DLC1: variants seen among roughly 807,000 people sequenced by gnomAD.
DLC1 encodes the protein rho GTPase-activating protein 7.
A neutral mutation model predicts 140.3 loss-of-function variants in DLC1; 54 were observed. That is an observed-to-expected ratio of 0.38 (90% confidence interval 0.31 to 0.48). DLC1 has a LOEUF of 0.48. Ranked by LOEUF, DLC1 falls within the 20% of genes least tolerant of loss-of-function variation. The pLI is 0.96. For missense variants in DLC1, 2,536 were observed against 1,907.0 expected (o/e 1.33, Z -6.14); for synonymous variants, 986 against 728.1 (o/e 1.35, Z -5.70).
At chr8:13,535,499 T>G (rs1803246504) in intron 1 of DLC1, among the ~76,000 whole-genome samples, 1 of 151,896 alleles carries the variant, frequency 6.6e-6, no homozygotes, top group South Asian at 2.1e-4. Flanking sequence ...CAGAAAATGT[T>G]GACAAGGGCA....
chr8:13,524,279 A>G (rs1297808652), intron 1 of DLC1, among the ~76,000 whole-genome samples: 1 of 151,768 alleles, frequency 6.6e-6, no homozygotes, highest in African/African-American at 2.4e-5. Flanking sequence ...CTGGGATTAC[A>G]GGTACCCACC....
intron 4 of DLC1, among the ~76,000 whole-genome samples, chr8:13,371,667 T>G (rs1034632157): frequency 2.6e-5 from 4 of 152,076 alleles, no homozygotes; most frequent in African/African-American, 9.7e-5. Context: ...CCAATAAATA[T>G]TTTTTGAGCA....
At chr8:13,594,758 C>G (rs1416352189) in intron 1 of DLC1, among the ~76,000 whole-genome samples, 1 of 150,368 alleles carries the variant, frequency 6.7e-6, no homozygotes, top group Non-Finnish European at 1.5e-5. Context: ...CCTTTAATAC[C>G]CATATTTACA....
At chr8:13,146,271 T>C (rs953439889) in intron 5 of DLC1, among the ~76,000 whole-genome samples, 27 of 101,108 alleles carry the variant, frequency 2.7e-4, no homozygotes, top group Non-Finnish European at 5.4e-4. Context: ...CAAGACTCCA[T>C]CTCAAAAAAA....
chr8:13,321,395 A>G (rs1833105079), intron 4 of DLC1, among the ~76,000 whole-genome samples: 1 of 151,880 alleles, frequency 6.6e-6, no homozygotes, highest in Non-Finnish European at 1.5e-5. Flanking sequence ...AAAATTAGCC[A>G]TGTGTGGTGG....
intron 5 of DLC1, among the ~76,000 whole-genome samples, chr8:13,295,543 AG>A (rs1831911347): frequency 6.6e-6 from 1 of 152,346 alleles, no homozygotes; most frequent in African/African-American, 2.4e-5. Context: ...TAACTCTTTA[AG>A]GTTTCCTACT....
chr8:13,545,304 T>C (rs1371134459), intron 1 of DLC1, among the ~76,000 whole-genome samples: 8 of 150,260 alleles, frequency 5.3e-5, no homozygotes, highest in Non-Finnish European at 8.9e-5. Flanking sequence ...TCTTATACTA[T>C]ATATATATGC....
At chr8:13,289,448 A>G (rs1288301594) in intron 5 of DLC1, among the ~76,000 whole-genome samples, 1 of 151,970 alleles carries the variant, frequency 6.6e-6, no homozygotes, top group Non-Finnish European at 1.5e-5. Flanking sequence ...TACCTCAGCC[A>G]CCTGAGTAGC....
chr8:13,332,167 C>A (rs942533186), intron 4 of DLC1, among the ~76,000 whole-genome samples: 7 of 152,308 alleles, frequency 4.6e-5, no homozygotes, highest in East Asian at 1.9e-4. Flanking sequence ...ACACAAAACA[C>A]CTTATTTCAA....
Position 13,172,513 on chromosome 8 carries a change from C to T in DLC1, c.1349-56856G>A, listed in dbSNP as rs575345569. Among the ~76,000 whole-genome samples, 99 of 152,314 alleles carry T rather than the reference C, an allele frequency of 6.5e-4. 1 individual carries two copies. The highest frequency in any genetic ancestry group is 1.0e-3 in the South Asian group (5 of 4,820). On this transcript the variant is annotated intron_variant, in intron 5 of 17. Transcript: ENST00000276297. ...ACTCAGATCAAGGCTTGGAACATAGCAACCCCTCAATAAATGTTAACCGTT... is the reference window on the plus strand; with the variant it reads ...ACTCAGATCAAGGCTTGGAACATAGTAACCCCTCAATAAATGTTAACCGTT...
At chr8:13,178,545 C>T (rs1825870910) in intron 5 of DLC1, among the ~76,000 whole-genome samples, 1 of 149,406 alleles carries the variant, frequency 6.7e-6, no homozygotes, top group Non-Finnish European at 1.5e-5. Context: ...GGGACTCCAG[C>T]CTGGGCGACA....
At chr8:13,367,248 G>T (rs1835529024) in intron 4 of DLC1, among the ~76,000 whole-genome samples, 1 of 152,132 alleles carries the variant, frequency 6.6e-6, no homozygotes, top group South Asian at 2.1e-4. Flanking sequence ...AGGAGAAGGG[G>T]ACCTGCAGGG....
chr8:13,190,688 G>T (rs995399955), intron 5 of DLC1, among the ~76,000 whole-genome samples: 2 of 152,120 alleles, frequency 1.3e-5, no homozygotes, highest in Non-Finnish European at 2.9e-5. Context: ...AGAAGCTGTG[G>T]GCTGTGGGAT....
chr8:13,420,132 C>G (rs575957987), intron 2 of DLC1, among the ~76,000 whole-genome samples: 1 of 151,976 alleles, frequency 6.6e-6, no homozygotes, highest in East Asian at 1.9e-4. Context: ...TGCTAGCAGT[C>G]TATCAATTTT....
Position 13,099,615 on chromosome 8 carries a change from C to T in DLC1, c.2722G>A (p.Asp908Asn), listed in dbSNP as rs777543836. The T allele has an allele frequency of 6.2e-7, 1 of 1,614,160 alleles. No individual in the cohort carries two copies. The highest frequency in any genetic ancestry group is 1.1e-5 in the South Asian group (1 of 91,084). ...ENEDIFPELD[D>N]ILYHVKGMQR... is the part of the protein sequence containing the mutation. ...ATCCCCTTCACGTGGTAGAGGATGT[C>T]GTCCAGCTCGGGGAAGATGTCCTCG... Residue 908 changes from aspartate (D) to asparagine (N), a missense_variant, in exon 9 of 18, where the codon GAC (aspartate) becomes AAC (asparagine). Physicochemically the swap from Asp to Asn is conservative, Grantham distance 23. Coordinates refer to ENST00000276297, the MANE Select transcript of DLC1 (RefSeq NM_182643.3).
intron 2 of DLC1, among the ~76,000 whole-genome samples, chr8:13,463,632 T>C (rs987350718): frequency 1.3e-5 from 2 of 152,198 alleles, no homozygotes; most frequent in African/African-American, 4.8e-5. Context: ...CTTGGTTTGC[T>C]CCAAATTGGG....
At chr8:13,439,470 TTTTTC>T (rs1302354348) in intron 2 of DLC1, among the ~76,000 whole-genome samples, 11 of 152,082 alleles carry the variant, frequency 7.2e-5, no homozygotes, top group African/African-American at 1.2e-4. Context: ...ACTTTCTCTG[TTTTTC>T]TTTTCTTTTT....
intron 2 of DLC1, among the ~76,000 whole-genome samples, chr8:13,447,136 T>A (rs984241843): frequency 6.6e-6 from 1 of 152,122 alleles, no homozygotes; most frequent in African/African-American, 2.4e-5. Context: ...ATGCTATGAG[T>A]CTCCATTTAT....
At chr8:13,160,071 T>C (rs1037426523) in intron 5 of DLC1, 1 of 152,202 alleles carries the variant, frequency 6.6e-6, no homozygotes, top group African/African-American at 2.4e-5. Flanking sequence ...GGCAGGAGAA[T>C]CGCTTGAGCC....
Sources: allele counts gnomAD v4.1 joint callset (sites outside exome capture counted in the v4.1 genomes callset), GRCh38; gene constraint gnomAD v4.1.1; transcripts MANE v1.5; gene names NCBI Gene and HGNC (gene_info 2026-07-23, HGNC 2026-07-21).